The following PAX5 variants were observed in gnomAD, a reference collection of about 807,000 sequenced individuals.
PAX5 encodes paired box protein Pax-5.
In PAX5, 9 loss-of-function variants were observed where a neutral mutation model predicts 43.7. That is an observed-to-expected ratio of 0.21 (90% CI 0.12 to 0.36). The LOEUF is 0.36. Ranked by LOEUF, PAX5 falls within the 10% of genes least tolerant of loss-of-function variation. The pLI is 1.00. For missense variants in PAX5, 383 were observed against 532.7 expected (o/e 0.72, Z 2.77); for synonymous variants, 228 against 214.3 (o/e 1.06, Z -0.56).
chr9:36,879,643 C>T (rs1826226451), intron 8 of PAX5, among the ~76,000 whole-genome samples: 1 of 152,192 alleles, frequency 6.6e-6, no homozygotes, highest in Non-Finnish European at 1.5e-5. Flanking sequence ...CCGGAAATTC[C>T]CTGGCTTCTC....
intron 7 of PAX5, among the ~76,000 whole-genome samples, chr9:36,917,668 T>A (rs1310615723): frequency 6.6e-6 from 1 of 152,210 alleles, no homozygotes; most frequent in Non-Finnish European, 1.5e-5. Context: ...TAAAGAGGCA[T>A]GTGCATAAAT....
chr9:37,012,101 C>T (rs1838980479), intron 3 of PAX5, among the ~76,000 whole-genome samples: 1 of 152,094 alleles, frequency 6.6e-6, no homozygotes, highest in African/African-American at 2.4e-5. Flanking sequence ...AGAGAATACT[C>T]CCAAAAAGGA....
chr9:36,925,497 C>T (rs529008520), intron 6 of PAX5, among the ~76,000 whole-genome samples: 2 of 152,096 alleles, frequency 1.3e-5, no homozygotes, highest in South Asian at 2.1e-4. Context: ...GACCCTGGTC[C>T]GTGCACATAT....
In PAX5 at chr9:36,846,913, C is replaced by A. The variant is rs35469494; in HGVS notation, c.1029G>T (p.Gly343=). ...TGMVPGSEFS[G]SPYSHPQYSS... is the part of the protein sequence containing the mutation. ...AATACTGAGGGTGGCTGTAGGGACT[C>A]CCGGAAAACTCACTCCCTGTGTATG... Residue 343 remains glycine, a synonymous_variant, in exon 9 of 10, where the codon GGG becomes GGT. Transcript: ENST00000358127. The A allele has an allele frequency of 6.2e-7, 1 of 1,613,582 alleles. No individual in the cohort carries two copies. Among genetic ancestry groups the A allele is most frequent in the Non-Finnish European group, 8.5e-7 (1 of 1,179,500 alleles).
chr9:36,833,528 TA>T lies in PAX5; in HGVS notation c.*7031del, dbSNP rs200730059. ...TTCAGGTTTGACAAGGAAAAAAAAG[TA>T]AAAAAAAAATTAAACCAAAACCCCA... On this transcript the variant is annotated 3_prime_UTR_variant, in exon 10 of 10. Transcript: ENST00000358127. The T allele has an allele frequency of 1.5e-4, 33 of 225,158 alleles. No individual in the cohort carries two copies. Among genetic ancestry groups the T allele is most frequent in the East Asian group, 3.8e-4 (6 of 15,988 alleles). The allele number at this position is 225,158 out of a possible 1,614,324, so 13.9% of individuals were successfully genotyped here.
intron 8 of PAX5, among the ~76,000 whole-genome samples, chr9:36,881,187 C>T (rs1313041853): frequency 6.6e-6 from 1 of 152,178 alleles, no homozygotes; most frequent in East Asian, 1.9e-4. Flanking sequence ...TATAGATACA[C>T]TGAACTATTT....
chr9:36,921,195 T>A (rs1830145712), intron 7 of PAX5, among the ~76,000 whole-genome samples: 1 of 152,218 alleles, frequency 6.6e-6, no homozygotes, highest in Non-Finnish European at 1.5e-5. Flanking sequence ...TGCAGTATCC[T>A]GGAACCAAAC....
At chr9:37,006,407 T>G in intron 4 of PAX5, 66 bp downstream of exon 4, 1 of 1,190,282 alleles carries the variant, frequency 8.4e-7, no homozygotes, top group Non-Finnish European at 1.3e-6. Context: ...ATAAGAATGA[T>G]TAAAAGTTCT....
intron 6 of PAX5, among the ~76,000 whole-genome samples, chr9:36,954,775 C>T (rs1242772792): frequency 1.3e-5 from 2 of 152,152 alleles, no homozygotes; most frequent in African/African-American, 4.8e-5. Context: ...TTCACAAAGT[C>T]TTAGCTATTA....
chr9:36,934,226 G>A (rs551316612), intron 6 of PAX5, among the ~76,000 whole-genome samples: 2 of 152,328 alleles, frequency 1.3e-5, no homozygotes, highest in South Asian at 4.1e-4. Flanking sequence ...ATTTGTAAGG[G>A]GGATATGTGA....
intron 1 of PAX5, among the ~76,000 whole-genome samples, chr9:37,033,247 T>TA (rs1302399235): frequency 1.8e-4 from 27 of 152,162 alleles, no homozygotes; most frequent in Non-Finnish European, 3.1e-4. Context: ...TATCTCCCAA[T>TA]AGAATGGACA....
chr9:36,885,748 C>T (rs111666488), intron 7 of PAX5, among the ~76,000 whole-genome samples: 2,807 of 152,252 alleles, frequency 0.018, 90 homozygotes, highest in African/African-American at 0.064. Flanking sequence ...GTGTGAGAAG[C>T]GCATGGCACA....
rs1257282345 is a variant in PAX5, at chr9:37,015,076, C to A, written c.331G>T (p.Ala111Ser). The A allele has an allele frequency of 1.2e-6, 2 of 1,614,116 alleles. No individual in the cohort carries two copies. Among genetic ancestry groups the A allele is most frequent in the Admixed American group, 1.7e-5 (1 of 60,010 alleles). Reference protein sequence around the residue: ...EYKRQNPTMFAWEIRDRLLAE... With the variant: ...EYKRQNPTMFSWEIRDRLLAE... Reference sequence around the variant, plus strand: ...AGCAGCCGGTCCCTGATCTCCCAGGCAAACATGGTGGGATTTTGGCGTTTA... The same window carrying A: ...AGCAGCCGGTCCCTGATCTCCCAGGAAAACATGGTGGGATTTTGGCGTTTA... Residue 111 changes from alanine to serine, a missense_variant, in exon 3 of 10, where the codon GCC (alanine) becomes TCC (serine). By Grantham distance (99) the Ala-to-Ser change is moderately conservative (BLOSUM62 1). Transcript: ENST00000358127. The surrounding 1 kb of genome is among the most constrained non-coding windows in gnomAD (Gnocchi z 4.4).
intron 5 of PAX5, among the ~76,000 whole-genome samples, chr9:36,979,378 C>A (rs1448200561): frequency 6.6e-6 from 1 of 152,142 alleles, no homozygotes; most frequent in Non-Finnish European, 1.5e-5. Context: ...AATTATTTCC[C>A]TTTTATGTAG....
At chr9:36,956,589 A>C (rs57995393) in intron 6 of PAX5, among the ~76,000 whole-genome samples, 1 of 152,106 alleles carries the variant, frequency 6.6e-6, no homozygotes, top group Non-Finnish European at 1.5e-5. Context: ...TCCCTCAAAC[A>C]TCCCCCTCCC....
Position 37,020,697 on chromosome 9 carries a change from G to C in PAX5, c.151C>G (p.Pro51Ala). 1 of 1,614,200 alleles carries C rather than the reference G, an allele frequency of 6.2e-7. No individual in the cohort carries two copies. The highest frequency in any genetic ancestry group is 8.5e-7 in the Non-Finnish European group (1 of 1,180,032). The change falls in exon 2 of 10, where the codon CCC becomes GCC. Residue 51 changes from proline (P) to alanine (A), a missense_variant. Pro to Ala is a conservative substitution (Grantham distance 27). This residue lies in a region of PAX5 where 54 missense variants were observed against 68.6 expected (regional missense o/e 0.79). Transcript: ENST00000358127. ...IVELAHQGVR[P>A]CDISRQLRVS... ...CGAAGCTGCCTGGAGATGTCGCAGG[G>C]CCTGACACCTTGATGAGCAAGTTCC...
chr9:37,005,917 G>A (rs1025435220), intron 4 of PAX5, among the ~76,000 whole-genome samples: 2 of 152,212 alleles, frequency 1.3e-5, no homozygotes, highest in Non-Finnish European at 2.9e-5. Context: ...TCGGGTCACA[G>A]CCACTCTCAG....
chr9:36,995,395 A>G (rs1301398972), intron 5 of PAX5, among the ~76,000 whole-genome samples: 1 of 152,188 alleles, frequency 6.6e-6, no homozygotes. Flanking sequence ...CTGGAGGCAC[A>G]GGAGGAATGA....
intron 8 of PAX5, among the ~76,000 whole-genome samples, chr9:36,867,473 C>T (rs1022322091): frequency 3.3e-5 from 5 of 151,948 alleles, no homozygotes; most frequent in Non-Finnish European, 2.9e-5. Flanking sequence ...GTAAAAGGGG[C>T]TACCGTGAGG....
Sources: allele counts gnomAD v4.1 joint callset (sites outside exome capture counted in the v4.1 genomes callset), GRCh38; gene constraint gnomAD v4.1.1; regional missense constraint gnomAD v4.1.1; non-coding constraint Gnocchi (gnomAD v3.1); transcripts MANE v1.5; gene names NCBI Gene and HGNC (gene_info 2026-07-23, HGNC 2026-07-21).